Variants in SFMBT1 observed in about 807,000 individuals in gnomAD.
SFMBT1 encodes the protein scm-like with four MBT domains protein 1.
SFMBT1 carries 32 observed loss-of-function variants against 108.7 expected under a neutral mutation model. The observed-to-expected ratio is 0.29, with a 90% CI of 0.22 to 0.40. SFMBT1 has a LOEUF of 0.40. Among genes scored for constraint, SFMBT1 ranks in the 10% least tolerant of loss-of-function variants. The pLI is 1.00. For synonymous variants in SFMBT1, 348 were observed against 369.5 expected (o/e 0.94, Z 0.67); for missense variants, 816 against 1,059.6 (o/e 0.77, Z 3.19).
chr3:52,944,281 G>A (rs927058625), intron 3 of SFMBT1, among the ~76,000 whole-genome samples: 5 of 152,180 alleles, frequency 3.3e-5, no homozygotes, highest in African/African-American at 1.2e-4. Context: ...GGAAGCCTGT[G>A]GTGTTGGACT....
At chr3:53,042,513 T>A (rs1469642586) in intron 1 of SFMBT1, among the ~76,000 whole-genome samples, 1 of 152,184 alleles carries the variant, frequency 6.6e-6, no homozygotes, top group Non-Finnish European at 1.5e-5. Flanking sequence ...CTAATTTTTT[T>A]ATTTTTTTGG....
At chr3:52,912,058 G>T (rs772982301) in intron 16 of SFMBT1, among the ~76,000 whole-genome samples, 13 of 152,042 alleles carry the variant, frequency 8.6e-5, no homozygotes, top group Non-Finnish European at 1.8e-4. Context: ...ATTGATCCAT[G>T]AAAGAATGGA....
intron 1 of SFMBT1, among the ~76,000 whole-genome samples, chr3:53,002,151 A>G (rs376071145): frequency 1.3e-5 from 2 of 149,914 alleles, no homozygotes; most frequent in East Asian, 3.9e-4. Flanking sequence ...CTGTAATCCC[A>G]GCACTTTGGG....
At chr3:52,985,969 C>T (rs940225164) in intron 1 of SFMBT1, among the ~76,000 whole-genome samples, 1 of 151,814 alleles carries the variant, frequency 6.6e-6, no homozygotes, top group Admixed American at 6.6e-5. Flanking sequence ...ATGGTGAAAC[C>T]CCGTCTCTAC....
At chr3:52,989,899 C>G (rs1249591923) in intron 1 of SFMBT1, among the ~76,000 whole-genome samples, 1 of 152,104 alleles carries the variant, frequency 6.6e-6, no homozygotes, top group African/African-American at 2.4e-5. Flanking sequence ...TCCAAACAGG[C>G]CGACAAGAAT....
At chr3:52,906,921 G>T in intron 19 of SFMBT1, 148 bp downstream of exon 19, 1 of 939,692 alleles carries the variant, frequency 1.1e-6, no homozygotes, top group Non-Finnish European at 1.5e-6. Context: ...GTAAATCACT[G>T]CATTTGGGGT....
chr3:53,036,364 C>CT (rs1295350655), intron 1 of SFMBT1, among the ~76,000 whole-genome samples: 2 of 152,220 alleles, frequency 1.3e-5, no homozygotes, highest in African/African-American at 4.8e-5. Flanking sequence ...GGTTCCACAA[C>CT]TTTAAAAACA....
chr3:52,963,432 C>G (rs1374595161), intron 2 of SFMBT1, among the ~76,000 whole-genome samples: 1 of 151,424 alleles, frequency 6.6e-6, no homozygotes, highest in African/African-American at 2.4e-5. Context: ...AAACAGGATT[C>G]CTTTAAGTAA....
At chr3:52,977,324 C>T (rs1704551071) in intron 1 of SFMBT1, among the ~76,000 whole-genome samples, 1 of 152,122 alleles carries the variant, frequency 6.6e-6, no homozygotes, top group Non-Finnish European at 1.5e-5. Flanking sequence ...GCCTGAAAAA[C>T]ATGGTGAAAC....
intron 1 of SFMBT1, among the ~76,000 whole-genome samples, 195 bp from the exon 2 acceptor site, chr3:52,969,453 G>A (rs1000095138): frequency 1.1e-4 from 17 of 152,142 alleles, no homozygotes; most frequent in East Asian, 1.9e-4. Flanking sequence ...GCTCATGTGC[G>A]TCTGTATGTG....
chr3:53,000,158 A>G lies in SFMBT1; in HGVS notation c.-130-30900T>C, dbSNP rs937508542. On this transcript the variant is annotated intron_variant, in intron 1 of 20. Transcript: ENST00000394752. ...ATTACAGGCGTGAGCCACCGCACCCAGCCTACTCTTACATTTTTTTAGGTT... is the reference window on the plus strand; with the variant it reads ...ATTACAGGCGTGAGCCACCGCACCCGGCCTACTCTTACATTTTTTTAGGTT... 1.0e-4 allele frequency among the ~76,000 whole-genome samples: 15 copies of G among 149,840 alleles called. 1 individual carries two copies. Among genetic ancestry groups the G allele is most frequent in the East Asian group, 3.9e-4 (2 of 5,130 alleles).
chr3:53,017,697 C>T (rs1699172933), intron 1 of SFMBT1, among the ~76,000 whole-genome samples: 1 of 152,132 alleles, frequency 6.6e-6, no homozygotes, highest in South Asian at 2.1e-4. Context: ...GCATCCCATG[C>T]CTCTTCCCTT....
chr3:53,015,545 C>T (rs990711397), intron 1 of SFMBT1, among the ~76,000 whole-genome samples: 2 of 152,324 alleles, frequency 1.3e-5, no homozygotes, highest in Admixed American at 1.3e-4. Context: ...TGTTCATCAA[C>T]TGATGAGTAG....
At chr3:52,938,997 C>T (rs932593701) in intron 4 of SFMBT1, among the ~76,000 whole-genome samples, 1 of 152,118 alleles carries the variant, frequency 6.6e-6, no homozygotes, top group African/African-American at 2.4e-5. Context: ...ATATAAAATC[C>T]CTGTCTCATA....
At chr3:52,918,045 G>A (rs564985535) in intron 13 of SFMBT1, among the ~76,000 whole-genome samples, 14 of 152,328 alleles carry the variant, frequency 9.2e-5, no homozygotes, top group Non-Finnish European at 1.9e-4. Flanking sequence ...AGCTGTGTGT[G>A]CAGGTATGTT....
intron 1 of SFMBT1, among the ~76,000 whole-genome samples, chr3:53,037,166 G>T (rs1024382793): frequency 6.6e-6 from 1 of 152,170 alleles, no homozygotes; most frequent in Admixed American, 6.5e-5. Context: ...GTGTCTTACC[G>T]CCCTGACTGG....
At chr3:52,975,416 T>C (rs1479064534) in intron 1 of SFMBT1, among the ~76,000 whole-genome samples, 1 of 151,994 alleles carries the variant, frequency 6.6e-6, no homozygotes, top group Non-Finnish European at 1.5e-5. Context: ...AAGCTGGGCA[T>C]AGTGGCTCAC....
At chr3:52,978,761 T>C (rs1183910352) in intron 1 of SFMBT1, among the ~76,000 whole-genome samples, 1 of 152,210 alleles carries the variant, frequency 6.6e-6, no homozygotes, top group Non-Finnish European at 1.5e-5. Context: ...TCTAATATAA[T>C]GGAATATTAT....
At chr3:53,024,439 G>A (rs1421055141) in intron 1 of SFMBT1, among the ~76,000 whole-genome samples, 1 of 152,208 alleles carries the variant, frequency 6.6e-6, no homozygotes, top group Admixed American at 6.5e-5. Flanking sequence ...AGGCAATGGC[G>A]AGGATATCTG....
Sources: gnomAD v4.1 joint callset for allele counts (sites outside exome capture counted in the v4.1 genomes callset) on GRCh38, gnomAD v4.1.1 for gene constraint, MANE v1.5 for transcripts, NCBI Gene and HGNC (gene_info 2026-07-23, HGNC 2026-07-21) for gene names.